Variants in SGCD observed in about 807,000 individuals in gnomAD.
SGCD encodes delta-sarcoglycan.
A neutral mutation model predicts 36.6 loss-of-function variants in SGCD; 18 were observed. The ratio of observed to expected loss-of-function variants is 0.49; its 90% confidence interval spans 0.34 to 0.73. The LOEUF is 0.73. Ranked by LOEUF, SGCD falls within the 30% of genes least tolerant of loss-of-function variation. The pLI, the probability that SGCD is intolerant of heterozygous loss-of-function variation, is 0.01. For synonymous variants in SGCD, 133 were observed against 130.6 expected (o/e 1.02, Z -0.12); for missense variants, 387 against 346.7 (o/e 1.12, Z -0.92).
intron 3 of SGCD, among the ~76,000 whole-genome samples, chr5:156,411,532 G>C (rs1772754734): frequency 6.6e-6 from 1 of 152,188 alleles, no homozygotes; most frequent in South Asian, 2.1e-4. Context: ...CTCAGATCCT[G>C]GCTCTGCCTG....
At chr5:155,759,889 T>C in the SGCD span, among the ~76,000 whole-genome samples, 1 of 152,220 alleles carries the variant, frequency 6.6e-6, no homozygotes, top group Non-Finnish European at 1.5e-5. Context: ...CCATTAGCTC[T>C]GCTGCCAGGA....
At chr5:156,220,662 C>T (rs530851981) in intron 3 of SGCD, among the ~76,000 whole-genome samples, 4 of 152,126 alleles carry the variant, frequency 2.6e-5, no homozygotes, top group Non-Finnish European at 5.9e-5. Flanking sequence ...TATTTTTCAA[C>T]TGATAAAACA....
At chr5:156,673,216 T>A (rs1753373701) in intron 7 of SGCD, among the ~76,000 whole-genome samples, 1 of 152,250 alleles carries the variant, frequency 6.6e-6, no homozygotes, top group African/African-American at 2.4e-5. Flanking sequence ...TCCTGGGGTC[T>A]GTAGTTATGC....
intron 1 of SGCD, among the ~76,000 whole-genome samples, chr5:156,045,356 A>T (rs1456454043): frequency 6.6e-6 from 1 of 152,000 alleles, no homozygotes; most frequent in Non-Finnish European, 1.5e-5. Context: ...TGATCTGTGC[A>T]TTTTCCTTCT....
chr5:155,949,272 A>T (rs143827513), intron 1 of SGCD, among the ~76,000 whole-genome samples: 26 of 152,298 alleles, frequency 1.7e-4, no homozygotes, highest in African/African-American at 6.0e-4. Context: ...TGCTCAGAAA[A>T]CATAGATGGT....
intron 1 of SGCD, among the ~76,000 whole-genome samples, chr5:155,988,583 T>G (rs1758377771): frequency 6.6e-6 from 1 of 151,754 alleles, no homozygotes. Flanking sequence ...GATCTTATGC[T>G]CCAGTCTCCG....
intron 3 of SGCD, among the ~76,000 whole-genome samples, chr5:156,232,941 A>G (rs1241348372): frequency 6.6e-6 from 1 of 152,228 alleles, no homozygotes; most frequent in Non-Finnish European, 1.5e-5. Flanking sequence ...TACACAAAAC[A>G]AGTGCCTTTT....
chr5:156,022,312 CTTTAAG>C (rs1324014806), intron 1 of SGCD, among the ~76,000 whole-genome samples: 1 of 152,138 alleles, frequency 6.6e-6, no homozygotes, highest in Non-Finnish European at 1.5e-5. Flanking sequence ...ACCTCACAGA[CTTTAAG>C]TACTGAAACG....
intron 1 of SGCD, among the ~76,000 whole-genome samples, chr5:155,883,537 A>G (rs1407546406): frequency 6.6e-6 from 1 of 152,184 alleles, no homozygotes; most frequent in African/African-American, 2.4e-5. Flanking sequence ...AGATGGAAGA[A>G]TGGCTGGTTG....
intron 3 of SGCD, among the ~76,000 whole-genome samples, chr5:156,468,995 AAAT>A (rs768094429): frequency 1.3e-5 from 2 of 152,152 alleles, no homozygotes; most frequent in African/African-American, 2.4e-5. Flanking sequence ...GTGTCTCAAA[AAAT>A]AATAATAATA....
intron 4 of SGCD, among the ~76,000 whole-genome samples, chr5:156,522,324 C>T (rs991973903): frequency 1.3e-5 from 2 of 151,910 alleles, no homozygotes; most frequent in Non-Finnish European, 2.9e-5. Context: ...CACATGTACC[C>T]TAGAACTTAA....
intron 7 of SGCD, among the ~76,000 whole-genome samples, chr5:156,675,470 A>AC (rs2113668932): frequency 6.6e-6 from 1 of 152,324 alleles, no homozygotes; most frequent in African/African-American, 2.4e-5. Flanking sequence ...CAGGACAGCA[A>AC]TAAGACAAGG....
At chr5:156,505,292 A>C (rs1756648765) in intron 3 of SGCD, among the ~76,000 whole-genome samples, 1 of 152,182 alleles carries the variant, frequency 6.6e-6, no homozygotes, top group South Asian at 2.1e-4. Flanking sequence ...AGCTGTCTCC[A>C]TGAGTGCCAG....
At chr5:156,108,453 T>G (rs190737652) in intron 1 of SGCD, among the ~76,000 whole-genome samples, 5 of 152,198 alleles carry the variant, frequency 3.3e-5, no homozygotes, top group African/African-American at 1.2e-4. Context: ...TAAAACCAAG[T>G]AGAGATTGTT....
At chr5:156,267,571 G>A (rs1766034313) in intron 3 of SGCD, among the ~76,000 whole-genome samples, 1 of 152,176 alleles carries the variant, frequency 6.6e-6, no homozygotes, top group Non-Finnish European at 1.5e-5. Context: ...CACAGGCAGA[G>A]CACCCTGCAC....
At chr5:156,271,365 G>A (rs765227592) in intron 3 of SGCD, among the ~76,000 whole-genome samples, 2 of 152,072 alleles carry the variant, frequency 1.3e-5, no homozygotes, top group Non-Finnish European at 2.9e-5. Flanking sequence ...TTGGTCTACA[G>A]GTTCGTCTGG....
chr5:155,838,471 G>T, the SGCD span, among the ~76,000 whole-genome samples: 1 of 151,876 alleles, frequency 6.6e-6, no homozygotes, highest in Admixed American at 6.6e-5. Flanking sequence ...GATATATTTT[G>T]CCCCCGTGTC....
intron 4 of SGCD, among the ~76,000 whole-genome samples, chr5:156,559,490 A>G (rs371646186): frequency 3.3e-5 from 5 of 152,296 alleles, no homozygotes; most frequent in African/African-American, 1.2e-4. Context: ...TGAAAAATCT[A>G]TGGTGACCCA....
chr5:156,508,760 G>A, intron 4 of SGCD, 58 bp downstream of exon 4: 1 of 1,015,434 alleles, frequency 9.8e-7, no homozygotes, highest in South Asian at 1.5e-5. Flanking sequence ...AAATCTGGAG[G>A]AATTGATCTT....
Sources: allele counts gnomAD v4.1 joint callset (sites outside exome capture counted in the v4.1 genomes callset), GRCh38; gene constraint gnomAD v4.1.1; transcripts MANE v1.5; gene names NCBI Gene and HGNC (gene_info 2026-07-23, HGNC 2026-07-21).